INA: variants seen among roughly 807,000 people sequenced by gnomAD.
The protein encoded by INA is internexin neuronal intermediate filament protein alpha.
INA carries 35 observed loss-of-function variants against 40.1 expected under a neutral mutation model. The observed-to-expected ratio is 0.87, with a 90% CI of 0.67 to 1.16. INA has a LOEUF of 1.16. Ranked by LOEUF, INA falls within the 50% of genes most tolerant of loss-of-function variation. The probability of loss-of-function intolerance (pLI) is 0.00; values close to 1 mark genes in which losing one functional copy is unlikely to be tolerated. For missense variants in INA, 594 were observed against 686.7 expected (o/e 0.87, Z 1.51); for synonymous variants, 290 against 316.9 (o/e 0.92, Z 0.90).
intron 1 of INA, among the ~76,000 whole-genome samples, chr10:103,283,679 G>A (rs1234476833): frequency 6.6e-6 from 1 of 151,716 alleles, no homozygotes; most frequent in Non-Finnish European, 1.5e-5. Flanking sequence ...CTCACACAAG[G>A]GGAGTTTCAA....
Position 103,279,956 on chromosome 10 carries a change from G to A in INA, c.1065+1680G>A, listed in dbSNP as rs537674096. 68 of 1,289,380 alleles carry A rather than the reference G, an allele frequency of 5.3e-5. No individual in the cohort carries two copies. In the Admixed American group the frequency reaches 1.1e-3, roughly 20 times the overall value. 79.9% of individuals were successfully genotyped at this position (1,289,380 alleles called of 1,614,324 possible). Reference sequence around the variant, plus strand: ...TTTTCTTCTAGAAGCCTCCAAGTACGAGCTAGGTGGTCTTCTGGAGGGCTA... The same window carrying A: ...TTTTCTTCTAGAAGCCTCCAAGTACAAGCTAGGTGGTCTTCTGGAGGGCTA... On this transcript the variant is annotated intron_variant, in intron 1 of 2. Coordinates refer to ENST00000369849, the MANE Select transcript of INA (RefSeq NM_032727.4).
chr10:103,285,077 A>G (rs1003716499), intron 1 of INA, among the ~76,000 whole-genome samples: 4 of 151,928 alleles, frequency 2.6e-5, no homozygotes, highest in Non-Finnish European at 5.9e-5. Flanking sequence ...TCCGCCTCCC[A>G]GATTCAAACA....
Position 103,277,145 on chromosome 10 carries a change from C to T in INA, c.-67C>T, listed in dbSNP as rs1017490165. On this transcript the variant is annotated 5_prime_UTR_variant, in exon 1 of 3. Coordinates refer to ENST00000369849, the MANE Select transcript of INA (RefSeq NM_032727.4). The surrounding 1 kb of genome is among the most constrained non-coding windows in gnomAD (Gnocchi z 5.6). The stretch of plus-strand genomic sequence containing the variant: ...GGCGCACCGCCCCGCCGCGCCCTGC[C>T]TGCCGCACCTCTCCTTTCTTCTGTA... 8.1e-6 allele frequency: 12 copies of T among 1,477,582 alleles called. No individual in the cohort carries two copies. The highest frequency in any genetic ancestry group is 4.9e-5 in the Admixed American group (2 of 40,854). 91.5% of individuals were successfully genotyped at this position (1,477,582 alleles called of 1,614,324 possible).
rs772367113 is a variant in INA, at chr10:103,278,247, C to T, written c.1036C>T (p.Arg346Trp). 6.3e-6 allele frequency: 10 copies of T among 1,575,560 alleles called. No homozygotes were observed. Among genetic ancestry groups the T allele is most frequent in the Non-Finnish European group, 8.6e-7 (1 of 1,161,800 alleles). Residue 346 changes from arginine to tryptophan, a missense_variant, in exon 1 of 3, where the codon CGG becomes TGG. Transcript: ENST00000369849. The surrounding 1 kb of genome is among the most constrained non-coding windows in gnomAD (Gnocchi z 4.9). ...LERQILELEE[R>W]HSAEVAGYQD... is the part of the protein sequence containing the mutation. ...GAGGCAGATCCTGGAGCTGGAGGAG[C>T]GGCACAGTGCCGAGGTAGCTGGCTA... is the stretch of plus-strand genomic sequence containing the variant.
chr10:103,284,171 C>A (rs1564715269), intron 1 of INA, among the ~76,000 whole-genome samples: 1 of 151,588 alleles, frequency 6.6e-6, no homozygotes, highest in South Asian at 2.1e-4. Context: ...ACAGTGGCGC[C>A]ATCATAGCTC....
chr10:103,280,666 C>G, intron 1 of INA: 13 of 985,302 alleles, frequency 1.3e-5, no homozygotes, highest in Non-Finnish European at 1.6e-5. Context: ...GCTTCTTACA[C>G]TTTTGAAAGG....
Position 103,290,295 on chromosome 10 carries a change from A to T in INA, c.*1626A>T, listed in dbSNP as rs1002009460. ...ATCCCTGTCTTTACTCCTCACACTTACTGTAAGACATTAGTAACATAATAA... is the reference window on the plus strand; with the variant it reads ...ATCCCTGTCTTTACTCCTCACACTTTCTGTAAGACATTAGTAACATAATAA... On this transcript the variant is annotated 3_prime_UTR_variant, in exon 3 of 3. Transcript: ENST00000369849. 1 of 152,214 alleles carries T rather than the reference A, an allele frequency of 6.6e-6. No individual in the cohort carries two copies. The highest frequency in any genetic ancestry group is 2.4e-5 in the African/African-American group (1 of 41,442). The allele number at this position is 152,214 out of a possible 1,614,324, so 9.4% of individuals were successfully genotyped here.
intron 1 of INA, among the ~76,000 whole-genome samples, chr10:103,283,748 C>CTTTTTTTT (rs34755376): frequency 6.1e-5 from 7 of 114,898 alleles, no homozygotes; most frequent in Admixed American, 3.0e-4. Flanking sequence ...ATCACTGTTT[C>CTTTTTTTT]TTTTTTTTTT....
chr10:103,279,419 C>A (rs1458725313), intron 1 of INA, among the ~76,000 whole-genome samples: 1 of 152,172 alleles, frequency 6.6e-6, no homozygotes, highest in Non-Finnish European at 1.5e-5. Context: ...ACAAAGGCCA[C>A]TGTGTCTTCA....
In INA at chr10:103,286,965, C is replaced by T. The variant is rs1431649149; in HGVS notation, c.1066-70C>T. 41 of 1,552,694 alleles carry T rather than the reference C, an allele frequency of 2.6e-5. No homozygotes were observed. In the Admixed American group the frequency reaches 3.3e-4, roughly 12 times the overall value. ...TAATGTGTAGTCAGGGCTGGGAATC[C>T]TTGCCTTCTGGAAATCTTGAGGAAT... is the stretch of plus-strand genomic sequence containing the variant. On this transcript the variant is annotated intron_variant, in intron 1 of 2. Transcript: ENST00000369849.
At chr10:103,280,641 AT>A (rs2093070573) in intron 1 of INA, 13 of 985,466 alleles carry the variant, frequency 1.3e-5, no homozygotes, top group Non-Finnish European at 1.6e-5. Context: ...CTGATAGCCT[AT>A]TTAAGGAGAG....
intron 1 of INA, chr10:103,280,369 G>T: frequency 1.0e-6 from 1 of 985,438 alleles, no homozygotes; most frequent in Non-Finnish European, 1.2e-6. Context: ...CTAACGGCCT[G>T]ATGCCACAAG....
intron 1 of INA, among the ~76,000 whole-genome samples, chr10:103,284,226 G>A (rs937665661): frequency 1.3e-5 from 2 of 151,836 alleles, no homozygotes; most frequent in Admixed American, 1.3e-4. Context: ...TCTCAGCTCA[G>A]CCTCAAGTGA....
At chr10:103,285,191 T>A (rs2093082725) in intron 1 of INA, among the ~76,000 whole-genome samples, 1 of 152,110 alleles carries the variant, frequency 6.6e-6, no homozygotes, top group South Asian at 2.1e-4. Flanking sequence ...TCCATATTGG[T>A]CTGGCTGGTC....
chr10:103,283,628 C>A (rs1459713472), intron 1 of INA, among the ~76,000 whole-genome samples: 1 of 152,098 alleles, frequency 6.6e-6, no homozygotes, highest in East Asian at 1.9e-4. Flanking sequence ...GTTTGTACCC[C>A]CTGATGTCTC....
Position 103,290,276 on chromosome 10 carries a change from G to T in INA, c.*1607G>T, listed in dbSNP as rs373328925. ...TTTTCCTTACCTTTACCCCATCCCTGTCTTTACTCCTCACACTTACTGTAA... is the reference window on the plus strand; with the variant it reads ...TTTTCCTTACCTTTACCCCATCCCTTTCTTTACTCCTCACACTTACTGTAA... On this transcript the variant is annotated 3_prime_UTR_variant, in exon 3 of 3. Transcript: ENST00000369849. 1.3e-5 allele frequency: 2 copies of T among 152,316 alleles called. No individual in the cohort carries two copies. The highest frequency in any genetic ancestry group is 1.3e-4 in the Admixed American group (2 of 15,286). The allele number at this position is 152,316 out of a possible 1,614,324, so 9.4% of individuals were successfully genotyped here. A position where few individuals can be genotyped will look rare whatever the true frequency, so the allele number is the denominator to read the frequency against.
rs2093065047 is a variant in INA, at chr10:103,278,242, A to G, written c.1031A>G (p.Glu344Gly). 1.3e-6 allele frequency: 2 copies of G among 1,581,616 alleles called. No individual in the cohort carries two copies. Among genetic ancestry groups the G allele is most frequent in the East Asian group, 4.6e-5 (2 of 43,120 alleles). ...TTGGAGAGGCAGATCCTGGAGCTGG[A>G]GGAGCGGCACAGTGCCGAGGTAGCT... ...ESLERQILEL[E>G]ERHSAEVAGY... is the part of the protein sequence containing the mutation. Residue 344 changes from glutamate to glycine, a missense_variant, in exon 1 of 3, where the codon GAG becomes GGG. This residue lies in a region of INA where 379 missense variants were observed against 496.1 expected (regional missense o/e 0.76). Transcript: ENST00000369849. The surrounding 1 kb of genome is among the most constrained non-coding windows in gnomAD (Gnocchi z 4.9).
intron 1 of INA, chr10:103,281,027 G>A: frequency 3.2e-6 from 2 of 621,070 alleles, no homozygotes; most frequent in Non-Finnish European, 4.0e-6. Context: ...ATGCTCTCCA[G>A]GGAGACAAGC....
rs149171677 is a variant in INA at position 103,277,462 on chromosome 10, C to A, written c.251C>A (p.Thr84Asn). Residue 84 changes from threonine (T) to asparagine (N), a missense_variant, in exon 1 of 3, where the codon ACC becomes AAC. This residue lies in a region of INA where 215 missense variants were observed against 190.6 expected (regional missense o/e 1.13). Transcript: ENST00000369849. This position sits in a 1 kb window ranked among gnomAD's most constrained non-coding sequence, Gnocchi z 5.6. ...GLDLSQAAAR[T>N]NEYKIIRTNE... ...GACCTGAGCCAGGCGGCGGCGCGCA[C>A]CAACGAGTACAAGATCATCCGCACC... 1.4e-5 allele frequency: 22 copies of A among 1,577,604 alleles called. No homozygotes were observed. In the African/African-American group the frequency reaches 3.1e-4, roughly 22 times the overall value.
Sources: gnomAD v4.1 joint callset for allele counts (sites outside exome capture counted in the v4.1 genomes callset) on GRCh38, gnomAD v4.1.1 for gene constraint, gnomAD v4.1.1 regional missense constraint, Gnocchi (gnomAD v3.1) non-coding constraint, MANE v1.5 for transcripts, NCBI Gene and HGNC (gene_info 2026-07-23, HGNC 2026-07-21) for gene names.